PCDHA8: variants seen among roughly 807,000 people sequenced by gnomAD.
PCDHA8 encodes protocadherin alpha 8, also known as protocadherin alpha-8.
A neutral mutation model predicts 61.8 loss-of-function variants in PCDHA8; 53 were observed. The ratio of observed to expected loss-of-function variants is 0.86; its 90% CI spans 0.69 to 1.08. PCDHA8 has a LOEUF of 1.08. Among genes scored for constraint, PCDHA8 ranks in the 50% least tolerant of loss-of-function variants. The pLI is 0.00. For missense variants in PCDHA8, 1,293 were observed against 1,245.0 expected (o/e 1.04, Z -0.58); for synonymous variants, 618 against 556.6 (o/e 1.11, Z -1.55).
intron 1 of PCDHA8, among the ~76,000 whole-genome samples, chr5:140,906,640 G>A (rs1465278194): frequency 6.6e-6 from 1 of 152,210 alleles, no homozygotes; most frequent in African/African-American, 2.4e-5. Context: ...ACCTCAGCAG[G>A]TAGTGGTTTT....
chr5:140,941,228 T>TTTCTTTCTTTCTTTCTTTC (rs2092920819), intron 1 of PCDHA8, among the ~76,000 whole-genome samples: 1 of 139,066 alleles, frequency 7.2e-6, no homozygotes, highest in Admixed American at 7.4e-5. Flanking sequence ...TCTTTCTTTC[T>TTTCTTTCTTTCTTTCTTTC]TTCTTTCTTT....
chr5:140,842,322 G>C lies in PCDHA8; in HGVS notation c.1001G>C (p.Cys334Ser), dbSNP rs1349163820. 7 of 1,607,496 alleles carry C rather than the reference G, an allele frequency of 4.4e-6. No individual in the cohort carries two copies. Among genetic ancestry groups the C allele is most frequent in the Admixed American group, 3.3e-5 (2 of 59,946 alleles). Residue 334 changes from cysteine (C) to serine (S), a missense_variant, in exon 1 of 4, where the codon TGC (cysteine) becomes TCC (serine). Cys to Ser is a moderately radical substitution (Grantham distance 112). Transcript: ENST00000531613. Reference sequence around the variant, plus strand: ...GGCCATCCTCCCATGGCGGGTCATTGCACCGTTTTAGTGAGAATTTTGGAT... The same window carrying C: ...GGCCATCCTCCCATGGCGGGTCATTCCACCGTTTTAGTGAGAATTTTGGAT... ...DKGHPPMAGH[C>S]TVLVRILDKN...
intron 1 of PCDHA8, chr5:140,927,440 C>T (rs782460713): frequency 3.7e-6 from 6 of 1,614,050 alleles, no homozygotes; most frequent in Admixed American, 3.3e-5. Context: ...AGCGAATACC[C>T]GGAGTTGGTG....
chr5:140,951,793 C>G (rs536005204), intron 1 of PCDHA8, among the ~76,000 whole-genome samples: 1 of 152,126 alleles, frequency 6.6e-6, no homozygotes, highest in African/African-American at 2.4e-5. Flanking sequence ...ATACAATTAT[C>G]CCTTCCCAAT....
intron 1 of PCDHA8, among the ~76,000 whole-genome samples, chr5:140,926,182 C>T (rs1041630365): frequency 2.6e-5 from 4 of 151,858 alleles, no homozygotes; most frequent in South Asian, 2.2e-4. Flanking sequence ...CGGAAAGCCC[C>T]CCGCAGCACT....
chr5:140,912,393 G>T (rs1312827248), intron 1 of PCDHA8, among the ~76,000 whole-genome samples: 1 of 147,816 alleles, frequency 6.8e-6, no homozygotes, highest in Admixed American at 6.7e-5. Context: ...TTCTTAATTT[G>T]ATTCTCAGCT....
At position 140,848,871 on chromosome 5, in the gene PCDHA8, A is replaced by G. The variant is rs2040646232; in HGVS notation, c.2394+5156A>G. The G allele has an allele frequency of 4.4e-6, 7 of 1,590,744 alleles. 1 individual carries two copies. The African/African-American group carries it at 6.8e-5, about 15-fold the overall frequency. On this transcript the variant is annotated intron_variant, in intron 1 of 3. Coordinates refer to ENST00000531613, the MANE Select transcript of PCDHA8 (RefSeq NM_018911.3). ...CCATGTGGACGTGGAGGTGAAGGAC[A>G]TTAACGACAACCCTCCAGTGTTCCC...
intron 1 of PCDHA8, chr5:140,862,697 T>C (rs2047497328): frequency 1.8e-6 from 1 of 556,706 alleles, no homozygotes; most frequent in East Asian, 5.0e-5. Context: ...TACTCGTTGA[T>C]GGAACAGCGG....
chr5:140,924,436 A>T (rs2153572390), intron 1 of PCDHA8, among the ~76,000 whole-genome samples: 1 of 152,318 alleles, frequency 6.6e-6, no homozygotes, highest in East Asian at 1.9e-4. Context: ...CCTAGAAGAG[A>T]TAACGAATGG....
chr5:140,870,746 TGACG>T, intron 1 of PCDHA8: 1 of 1,613,488 alleles, frequency 6.2e-7, no homozygotes, highest in Non-Finnish European at 8.5e-7. Context: ...AGCAGCAACG[TGACG>T]CTGCAGGTGT....
intron 1 of PCDHA8, among the ~76,000 whole-genome samples, chr5:140,912,063 A>C (rs1458411803): frequency 6.6e-6 from 1 of 152,214 alleles, no homozygotes; most frequent in Non-Finnish European, 1.5e-5. Context: ...CTTGGAGTCC[A>C]ATGTTCAAGG....
rs1554169144 is a variant in PCDHA8, at chr5:140,876,947, A to T, written c.2394+33232A>T. On this transcript the variant is annotated intron_variant, in intron 1 of 3. Transcript: ENST00000531613. ...GCGCAGAAGAACGCGCTGGTGTCCT[A>T]CTCGCTGGTGGAGCGGCGGGTGGGC... 1 of 1,613,496 alleles carries T rather than the reference A, an allele frequency of 6.2e-7. No homozygotes were observed. The highest frequency in any genetic ancestry group is 8.5e-7 in the Non-Finnish European group (1 of 1,179,858).
intron 1 of PCDHA8, chr5:140,928,484 G>A (rs1371678688): frequency 1.5e-5 from 25 of 1,614,026 alleles, no homozygotes; most frequent in African/African-American, 4.0e-5. Context: ...CGGGATGGTG[G>A]CATTCCTCCC....
chr5:140,932,373 A>T (rs927239233), intron 1 of PCDHA8, among the ~76,000 whole-genome samples: 1 of 151,942 alleles, frequency 6.6e-6, no homozygotes, highest in Non-Finnish European at 1.5e-5. Flanking sequence ...AAATTTCCAC[A>T]TGAAAGTTAT....
At chr5:140,945,349 T>G (rs578151486) in intron 1 of PCDHA8, among the ~76,000 whole-genome samples, 43 of 152,144 alleles carry the variant, frequency 2.8e-4, no homozygotes, top group Non-Finnish European at 4.9e-4. Context: ...TTGGAAAAAT[T>G]AATACTGTTT....
intron 1 of PCDHA8, among the ~76,000 whole-genome samples, chr5:140,901,260 T>G (rs1554189701): frequency 1.3e-5 from 2 of 152,190 alleles, no homozygotes; most frequent in African/African-American, 2.4e-5. Flanking sequence ...CCTGTGATTG[T>G]GGGGTATTAC....
intron 3 of PCDHA8, among the ~76,000 whole-genome samples, chr5:141,006,916 A>G (rs111263219): frequency 0.011 from 1,648 of 152,304 alleles, 31 homozygotes; most frequent in African/African-American, 0.038. Context: ...TGGGATGCCC[A>G]TGAGATTTCC....
chr5:141,006,365 C>A, intron 3 of PCDHA8, among the ~76,000 whole-genome samples: 1 of 151,966 alleles, frequency 6.6e-6, no homozygotes, highest in East Asian at 1.9e-4. Flanking sequence ...GCGCCCACCA[C>A]CACGCCCGGC....
At chr5:140,942,600 T>A (rs943278532) in intron 1 of PCDHA8, among the ~76,000 whole-genome samples, 2 of 132,144 alleles carry the variant, frequency 1.5e-5, no homozygotes, top group African/African-American at 6.2e-5. Flanking sequence ...ATAATTATAG[T>A]GTTTATATTT....
Sources: allele counts gnomAD v4.1 joint callset (sites outside exome capture counted in the v4.1 genomes callset), GRCh38; gene constraint gnomAD v4.1.1; transcripts MANE v1.5; gene names NCBI Gene and HGNC (gene_info 2026-07-23, HGNC 2026-07-21).